The following LRRTM4 variants were observed in gnomAD, a reference collection of about 807,000 sequenced individuals.
LRRTM4 encodes the protein leucine rich repeat transmembrane neuronal 4.
In LRRTM4, 25 loss-of-function variants were observed where a neutral mutation model predicts 47.6. The ratio of observed to expected loss-of-function variants is 0.53; its 90% CI spans 0.38 to 0.73. The LOEUF is 0.73. LRRTM4 is among the 30% of genes least tolerant of loss of function. The pLI is 0.00. For missense variants in LRRTM4, 638 were observed against 713.4 expected, an observed-to-expected ratio of 0.89 and a Z score of 1.20; for synonymous variants, 311 against 269.5, an observed-to-expected ratio of 1.15 and a Z score of -1.51.
At chr2:76,973,378 T>C (rs2103946049) in intron 3 of LRRTM4, among the ~76,000 whole-genome samples, 1 of 152,146 alleles carries the variant, frequency 6.6e-6, no homozygotes, top group South Asian at 2.1e-4. Context: ...TAAAAAATAT[T>C]CTTATATGGG....
intron 3 of LRRTM4, among the ~76,000 whole-genome samples, chr2:77,107,678 C>A (rs1314866293): frequency 1.3e-5 from 2 of 151,742 alleles, no homozygotes; most frequent in African/African-American, 2.4e-5. Context: ...ATTAGCCTGG[C>A]GTGGTGATGC....
At chr2:76,840,487 A>T (rs1357533290) in intron 3 of LRRTM4, among the ~76,000 whole-genome samples, 3 of 152,206 alleles carry the variant, frequency 2.0e-5, no homozygotes, top group Non-Finnish European at 4.4e-5. Flanking sequence ...CATGAAGCAA[A>T]ATGCCAGTAA....
intron 3 of LRRTM4, among the ~76,000 whole-genome samples, chr2:77,357,466 G>C (rs879851183): frequency 6.6e-6 from 1 of 151,936 alleles, no homozygotes; most frequent in African/African-American, 2.4e-5. Flanking sequence ...CAATATTCCT[G>C]GTCCTCCTGA....
chr2:77,167,263 C>T (rs1375447083), intron 3 of LRRTM4, among the ~76,000 whole-genome samples: 1 of 152,138 alleles, frequency 6.6e-6, no homozygotes, highest in African/African-American at 2.4e-5. Context: ...TACCATTTCA[C>T]ATCAGTTAGA....
At chr2:77,137,123 G>T (rs1671968071) in intron 3 of LRRTM4, among the ~76,000 whole-genome samples, 2 of 151,704 alleles carry the variant, frequency 1.3e-5, no homozygotes, top group Non-Finnish European at 2.9e-5. Context: ...GAAATACATA[G>T]AGTACCACAA....
intron 3 of LRRTM4, among the ~76,000 whole-genome samples, chr2:77,395,444 G>A (rs549958303): frequency 5.9e-5 from 9 of 152,062 alleles, no homozygotes; most frequent in African/African-American, 1.7e-4. Context: ...GAAGATTACA[G>A]AATTTTCTTG....
chr2:77,359,596 A>T (rs1049240955), intron 3 of LRRTM4, among the ~76,000 whole-genome samples: 2 of 152,208 alleles, frequency 1.3e-5, no homozygotes, highest in Non-Finnish European at 2.9e-5. Context: ...TTACATGATC[A>T]TTAAGGTTTT....
At chr2:77,027,210 C>A (rs1010321139) in intron 3 of LRRTM4, among the ~76,000 whole-genome samples, 1 of 151,998 alleles carries the variant, frequency 6.6e-6, no homozygotes, top group Non-Finnish European at 1.5e-5. Context: ...TATTTACATG[C>A]CTCTTCATAC....
chr2:76,994,756 G>C (rs1431091475), intron 3 of LRRTM4, among the ~76,000 whole-genome samples: 31 of 151,926 alleles, frequency 2.0e-4, no homozygotes, highest in South Asian at 6.2e-4. Context: ...GGTATTTATA[G>C]TAAAGGAAAT....
rs1353418633 is a variant in LRRTM4, at chr2:77,291,087, A to G, written c.1551+227231T>C. Among the ~76,000 whole-genome samples the G allele has an allele frequency of 4.6e-5, 7 of 152,148 alleles. No individual in the cohort carries two copies. The East Asian group carries it at 1.4e-3, about 29-fold the overall frequency. On this transcript the variant is annotated intron_variant, in intron 3 of 3. Coordinates refer to ENST00000409884, the MANE Select transcript of LRRTM4 (RefSeq NM_001134745.3). Reference sequence around the variant, plus strand: ...TTATTCAATATTATGTTCTCAGTGCATATATTTAGTAGCTGCCATAGATTT... The same window carrying G: ...TTATTCAATATTATGTTCTCAGTGCGTATATTTAGTAGCTGCCATAGATTT...
chr2:77,484,219 A>C (rs916420389), intron 3 of LRRTM4, among the ~76,000 whole-genome samples: 1 of 152,254 alleles, frequency 6.6e-6, no homozygotes, highest in Non-Finnish European at 1.5e-5. Context: ...CCACTGGGTA[A>C]CTAAGCACTT....
At chr2:77,373,079 T>TAAAAAAA (rs34776298) in intron 3 of LRRTM4, among the ~76,000 whole-genome samples, 1 of 133,428 alleles carries the variant, frequency 7.5e-6, no homozygotes. Flanking sequence ...AACCAACAAT[T>TAAAAAAA]AAAAAAAAAA....
rs76656708 is a variant in LRRTM4, at chr2:77,477,147, G to A, written c.1551+41171C>T. ...GGAAGACAGAGTGTAGACCATATAA[G>A]GCATTCATTAGCATCATGAAGATAG... is the stretch of plus-strand genomic sequence containing the variant. On this transcript the variant is annotated intron_variant, in intron 3 of 3. Coordinates refer to ENST00000409884, the MANE Select transcript of LRRTM4 (RefSeq NM_001134745.3). Among the ~76,000 whole-genome samples, 1,127 of 152,124 alleles carry A rather than the reference G, an allele frequency of 7.4e-3. 19 individuals carry two copies. The highest frequency in any genetic ancestry group is 0.026 in the African/African-American group (1,078 of 41,524).
intron 3 of LRRTM4, among the ~76,000 whole-genome samples, chr2:76,918,267 G>A (rs1477640278): frequency 6.6e-6 from 1 of 152,130 alleles, no homozygotes; most frequent in Non-Finnish European, 1.5e-5. Flanking sequence ...TCACAGAATA[G>A]CAACAAACTT....
chr2:77,308,936 C>G (rs898968786), intron 3 of LRRTM4, among the ~76,000 whole-genome samples: 4 of 152,108 alleles, frequency 2.6e-5, no homozygotes, highest in African/African-American at 9.7e-5. Context: ...AACAAAAACA[C>G]TAACCATAAA....
chr2:77,042,666 TATG>T (rs10555098), intron 3 of LRRTM4, among the ~76,000 whole-genome samples: 47,864 of 151,362 alleles, frequency 0.32, 8,361 homozygotes, highest in African/African-American at 0.45. Context: ...ATGCCATTCT[TATG>T]ATGATAAGTA....
intron 3 of LRRTM4, among the ~76,000 whole-genome samples, chr2:76,886,775 A>C (rs1287044991): frequency 6.6e-6 from 1 of 152,040 alleles, no homozygotes; most frequent in African/African-American, 2.4e-5. Context: ...TTAACAATTT[A>C]TGTGTAGGAC....
At chr2:77,388,181 G>A (rs1161643534) in intron 3 of LRRTM4, among the ~76,000 whole-genome samples, 1 of 151,858 alleles carries the variant, frequency 6.6e-6, no homozygotes, top group South Asian at 2.1e-4. Flanking sequence ...AAAAAGTCAG[G>A]GTTCCTGAAA....
chr2:77,183,316 C>T lies in LRRTM4; in HGVS notation c.1551+335002G>A, dbSNP rs999423227. On this transcript the variant is annotated intron_variant, in intron 3 of 3. Transcript: ENST00000409884. ...AAAATAAGACATTTATGCAGCCAAA[C>T]GACACATGAAAAAATGCTCATCATC... is the stretch of plus-strand genomic sequence containing the variant. 3.3e-5 allele frequency among the ~76,000 whole-genome samples: 5 copies of T among 152,064 alleles called. No individual in the cohort carries two copies. The South Asian group carries it at 6.2e-4, about 19-fold the overall frequency.
Sources: gnomAD v4.1 joint callset for allele counts (sites outside exome capture counted in the v4.1 genomes callset) on GRCh38, gnomAD v4.1.1 for gene constraint, MANE v1.5 for transcripts, NCBI Gene and HGNC (gene_info 2026-07-23, HGNC 2026-07-21) for gene names.